The following SHISA9 variants were observed in gnomAD, a reference collection of about 807,000 sequenced individuals.
The protein encoded by SHISA9 is shisa family member 9.
SHISA9 carries 13 observed loss-of-function variants against 38.0 expected under a neutral mutation model. The observed-to-expected ratio is 0.34, with a 90% CI of 0.22 to 0.54. The LOEUF (loss-of-function observed/expected upper bound fraction) is 0.54. SHISA9 is among the 20% of genes least tolerant of loss of function. The probability of loss-of-function intolerance (pLI) is 0.91; values close to 1 mark genes in which losing one functional copy is unlikely to be tolerated. For synonymous variants in SHISA9, 275 were observed against 242.0 expected, an observed-to-expected ratio of 1.14 and a Z score of -1.27; for missense variants, 538 against 575.8, an observed-to-expected ratio of 0.93 and a Z score of 0.67.
chr16:13,240,687 CA>C (rs1293766065), downstream of SHISA9, among the ~76,000 whole-genome samples: 6 of 152,182 alleles, frequency 3.9e-5, no homozygotes, highest in African/African-American at 1.4e-4. Flanking sequence ...GTTTCCTCAT[CA>C]TAACTAAATT....
At chr16:13,454,468 G>C in the SHISA9 span, among the ~76,000 whole-genome samples, 1 of 152,178 alleles carries the variant, frequency 6.6e-6, no homozygotes, top group Admixed American at 6.5e-5. Context: ...ATGAGTGCTT[G>C]CTACATGCCA....
At chr16:13,219,451 T>G (rs1429760632) in intron 4 of SHISA9, among the ~76,000 whole-genome samples, 1 of 152,220 alleles carries the variant, frequency 6.6e-6, no homozygotes, top group Admixed American at 6.5e-5. Flanking sequence ...TTTATCCATG[T>G]GACAGTCTTT....
the SHISA9 span, among the ~76,000 whole-genome samples, chr16:13,495,620 T>G: frequency 6.6e-6 from 1 of 152,028 alleles, no homozygotes; most frequent in Non-Finnish European, 1.5e-5. Flanking sequence ...TTTTGTAATC[T>G]GAAAAGAACT....
intron 2 of SHISA9, among the ~76,000 whole-genome samples, chr16:12,968,874 T>C (rs1177239737): frequency 6.6e-6 from 1 of 152,094 alleles, no homozygotes; most frequent in African/African-American, 2.4e-5. Context: ...TTTATAAAAA[T>C]GGGAGGTGCA....
intron 2 of SHISA9, among the ~76,000 whole-genome samples, chr16:12,981,244 C>G (rs2072236109): frequency 6.6e-6 from 1 of 152,184 alleles, no homozygotes; most frequent in Non-Finnish European, 1.5e-5. Flanking sequence ...ATACCAGAAA[C>G]CTACAGTCGA....
the SHISA9 span, among the ~76,000 whole-genome samples, chr16:13,479,589 CAT>C: frequency 1.3e-5 from 2 of 151,662 alleles, no homozygotes; most frequent in East Asian, 1.9e-4. Context: ...TTAATTTATA[CAT>C]ATATATATAT....
At position 13,173,153 on chromosome 16, in the gene SHISA9, G is replaced by GCGCGCGCA. The variant is rs201510616; in HGVS notation, c.692-30240_692-30239insGCGCGCAC. 2.4e-3 allele frequency among the ~76,000 whole-genome samples: 359 copies of GCGCGCGCA among 150,782 alleles called. 1 individual carries two copies. Among genetic ancestry groups the GCGCGCGCA allele is most frequent in the South Asian group, 2.9e-3 (14 of 4,746 alleles). ...TATCAGTCAGAAGAGATGCACGTGC[G>GCGCGCGCA]CACACACACACACACACACACACAC... On this transcript the variant is annotated intron_variant, in intron 2 of 4. Transcript: ENST00000558583.
intron 4 of SHISA9, among the ~76,000 whole-genome samples, chr16:13,216,310 C>T (rs1006863275): frequency 2.0e-5 from 3 of 152,048 alleles, no homozygotes; most frequent in East Asian, 3.9e-4. Context: ...TCTCTGATCC[C>T]CTATTTTCTG....
chr16:13,320,593 C>T, the SHISA9 span, among the ~76,000 whole-genome samples: 643 of 152,276 alleles, frequency 4.2e-3, 10 homozygotes, highest in African/African-American at 0.015. Context: ...ATACAGCCTC[C>T]TGTAGAGATA....
chr16:13,261,747 C>A, the SHISA9 span, among the ~76,000 whole-genome samples: 1 of 152,202 alleles, frequency 6.6e-6, no homozygotes, highest in Non-Finnish European at 1.5e-5. Context: ...TCATCATAAA[C>A]ACTTTCTGTG....
chr16:13,064,053 C>A (rs1444531666), intron 2 of SHISA9, among the ~76,000 whole-genome samples: 2 of 152,154 alleles, frequency 1.3e-5, no homozygotes, highest in African/African-American at 4.8e-5. Context: ...CACATTATTG[C>A]GTCCACGTTT....
At chr16:13,458,447 T>C in the SHISA9 span, 1 of 387,194 alleles carries the variant, frequency 2.6e-6, no homozygotes, top group Non-Finnish European at 5.0e-6. Flanking sequence ...CAGTCTCAGA[T>C]AAAGCGGAGG....
chr16:13,077,066 C>G (rs549446727), intron 2 of SHISA9, among the ~76,000 whole-genome samples: 91 of 152,270 alleles, frequency 6.0e-4, no homozygotes, highest in African/African-American at 2.2e-3. Context: ...GCCAGGGATA[C>G]CTCACAGATG....
chr16:13,249,462 C>T, the SHISA9 span, among the ~76,000 whole-genome samples: 3 of 152,146 alleles, frequency 2.0e-5, no homozygotes, highest in African/African-American at 7.2e-5. Flanking sequence ...TATTCCCTGA[C>T]TTATTTGACA....
Position 13,121,319 on chromosome 16 carries a change from T to C in SHISA9, c.692-82075T>C, listed in dbSNP as rs192898271. On this transcript the variant is annotated intron_variant, in intron 2 of 4. Coordinates refer to ENST00000558583, the MANE Select transcript of SHISA9 (RefSeq NM_001145204.3). Reference sequence around the variant, plus strand: ...ACCTGGGTAACATAGTGATCTCCCCTCTCTACAAAAAATTTTAAAATTAGC... The same window carrying C: ...ACCTGGGTAACATAGTGATCTCCCCCCTCTACAAAAAATTTTAAAATTAGC... Among the ~76,000 whole-genome samples, 159 of 152,120 alleles carry C rather than the reference T, an allele frequency of 1.0e-3. 2 individuals are homozygous for C. The highest frequency in any genetic ancestry group is 3.4e-3 in the Middle Eastern group (1 of 294).
the SHISA9 span, among the ~76,000 whole-genome samples, chr16:13,358,509 G>A: frequency 1.1e-4 from 17 of 152,166 alleles, no homozygotes; most frequent in African/African-American, 3.4e-4. Context: ...AAAATATTCC[G>A]TGAGGATGTT....
At chr16:13,086,778 T>C (rs992889990) in intron 2 of SHISA9, among the ~76,000 whole-genome samples, 17 of 152,220 alleles carry the variant, frequency 1.1e-4, no homozygotes, top group Non-Finnish European at 2.1e-4. Context: ...TAATACATTA[T>C]AAGGAAGATT....
intron 2 of SHISA9, among the ~76,000 whole-genome samples, chr16:13,072,621 CAA>C (rs1364645499): frequency 6.6e-6 from 1 of 151,954 alleles, no homozygotes; most frequent in Admixed American, 6.6e-5. Flanking sequence ...TCAAGTCAGT[CAA>C]AAGTCTTATT....
intron 2 of SHISA9, among the ~76,000 whole-genome samples, chr16:13,111,812 AAAG>A (rs1340940167): frequency 5.3e-5 from 8 of 152,184 alleles, no homozygotes; most frequent in African/African-American, 1.9e-4. Flanking sequence ...AATTGTGTTT[AAAG>A]GAGGGTAGGA....
Sources: gnomAD v4.1 joint callset for allele counts (sites outside exome capture counted in the v4.1 genomes callset) on GRCh38, gnomAD v4.1.1 for gene constraint, MANE v1.5 for transcripts, NCBI Gene and HGNC (gene_info 2026-07-23, HGNC 2026-07-21) for gene names.